The following MYH16 variants were observed in gnomAD, a reference collection of about 807,000 sequenced individuals.
MYH16 encodes the protein putative uncharacterized protein MYH16.
chr7:99,308,495 T>G (rs139994302), downstream of MYH16, among the ~76,000 whole-genome samples: 1 of 151,962 alleles, frequency 6.6e-6, no homozygotes, highest in African/African-American at 2.4e-5. Flanking sequence ...CCTTTTCCCA[T>G]GGACAGAAGC....
intron 20 of MYH16, among the ~76,000 whole-genome samples, chr7:99,276,774 A>AGT (rs1792116700): frequency 6.6e-6 from 1 of 152,196 alleles, no homozygotes. Context: ...AGATGAAAGG[A>AGT]GTGAGAGAGA....
At chr7:99,274,706 C>T (rs1429275150) in intron 20 of MYH16, among the ~76,000 whole-genome samples, 2 of 140,330 alleles carry the variant, frequency 1.4e-5, no homozygotes, top group Non-Finnish European at 3.0e-5. Context: ...CGGAGTCTCA[C>T]TCTGTCACCC....
At chr7:99,267,075 C>T (rs562332301) in intron 18 of MYH16, 5 of 152,472 alleles carry the variant, frequency 3.3e-5, no homozygotes, top group Non-Finnish European at 7.3e-5. Context: ...GACCAATGGC[C>T]TACTTCGGGC....
chr7:99,240,578 C>T (rs954458147), intron 1 of MYH16, among the ~76,000 whole-genome samples: 20 of 152,072 alleles, frequency 1.3e-4, no homozygotes, highest in African/African-American at 4.8e-4. Flanking sequence ...AGGCCAGACG[C>T]GGCAGCTCAA....
chr7:99,260,212 C>T, exon 12 of MYH16: 1 of 1,610,850 alleles, frequency 6.2e-7, no homozygotes, highest in Non-Finnish European at 8.5e-7. Context: ...CGAGAAGCTG[C>T]AGCAGTTCTT....
downstream of MYH16, among the ~76,000 whole-genome samples, chr7:99,309,844 C>T (rs1792735204): frequency 6.6e-6 from 1 of 152,130 alleles, no homozygotes; most frequent in Non-Finnish European, 1.5e-5. Flanking sequence ...CTCTCCATGT[C>T]CTGATCCATC....
chr7:99,255,021 TA>T (rs1791854336), intron 8 of MYH16, among the ~76,000 whole-genome samples: 1 of 151,888 alleles, frequency 6.6e-6, no homozygotes, highest in African/African-American at 2.4e-5. Flanking sequence ...GTAATCCCAG[TA>T]CTTTGGGAGG....
At chr7:99,253,450 A>T (rs1021346568) in intron 7 of MYH16, 3 of 152,148 alleles carry the variant, frequency 2.0e-5, no homozygotes, top group Non-Finnish European at 4.4e-5. Flanking sequence ...TAATAATAAT[A>T]ATAAAGGAAT....
At chr7:99,284,004 G>A in exon 25 of MYH16, 1 of 451,234 alleles carries the variant, frequency 2.2e-6, no homozygotes, top group Non-Finnish European at 4.4e-6. Flanking sequence ...TGGATCTCGA[G>A]GAGGTGGTGA....
At chr7:99,278,586 C>T (rs1461059014) in intron 21 of MYH16, among the ~76,000 whole-genome samples, 1 of 152,166 alleles carries the variant, frequency 6.6e-6, no homozygotes, top group African/African-American at 2.4e-5. Context: ...GTAAGACACT[C>T]GATTTTCACG....
chr7:99,289,827 C>T (rs1331120223), intron 30 of MYH16, among the ~76,000 whole-genome samples: 3 of 152,182 alleles, frequency 2.0e-5, no homozygotes, highest in East Asian at 1.9e-4. Flanking sequence ...GGAAAAGAAA[C>T]GCTAAAATAA....
intron 37 of MYH16, among the ~76,000 whole-genome samples, chr7:99,300,338 C>T (rs1792572822): frequency 6.6e-6 from 1 of 152,152 alleles, no homozygotes; most frequent in South Asian, 2.1e-4. Flanking sequence ...CAACAAAACT[C>T]ATATACCCAC....
chr7:99,296,230 A>G (rs1320916010), intron 33 of MYH16, among the ~76,000 whole-genome samples: 1 of 152,160 alleles, frequency 6.6e-6, no homozygotes, highest in Admixed American at 6.6e-5. Context: ...AACTTTATAA[A>G]AGCTAATATA....
chr7:99,277,878 C>CAT (rs1491424669), intron 21 of MYH16, among the ~76,000 whole-genome samples, 166 bp downstream of exon 3: 1 of 121,732 alleles, frequency 8.2e-6, no homozygotes, highest in Non-Finnish European at 1.6e-5. Flanking sequence ...CCATCCAATT[C>CAT]GTGTGTGTGT....
At chr7:99,301,009 AC>A (rs1452459722) in intron 37 of MYH16, among the ~76,000 whole-genome samples, 1 of 151,958 alleles carries the variant, frequency 6.6e-6, no homozygotes, top group East Asian at 1.9e-4. Context: ...AGCCTGAGCA[AC>A]CTGGCAAAAC....
At chr7:99,299,686 G>A (rs1792558436) in intron 37 of MYH16, 28 bp downstream of exon 18, 2 of 153,270 alleles carry the variant, frequency 1.3e-5, no homozygotes. Context: ...GGAGAAATGA[G>A]ATACAAGGCA....
chr7:99,240,617 G>A (rs559760810), intron 1 of MYH16, among the ~76,000 whole-genome samples: 4 of 152,242 alleles, frequency 2.6e-5, no homozygotes, highest in South Asian at 4.1e-4. Flanking sequence ...TTGGGAGGCC[G>A]ATACAGGCAG....
At chr7:99,270,504 A>G (rs1792034341) in intron 18 of MYH16, among the ~76,000 whole-genome samples, 1 of 150,996 alleles carries the variant, frequency 6.6e-6, no homozygotes, top group South Asian at 2.1e-4. Flanking sequence ...TTTTTAGTAG[A>G]TATGGGGTTT....
intron 37 of MYH16, among the ~76,000 whole-genome samples, chr7:99,300,180 C>T (rs760579373): frequency 6.5e-4 from 99 of 151,898 alleles, no homozygotes; most frequent in Middle Eastern, 3.4e-3. Flanking sequence ...GGCTGATCTC[C>T]AATGCCTGAC....
Sources: allele counts gnomAD v4.1 joint callset (sites outside exome capture counted in the v4.1 genomes callset), GRCh38; gene constraint gnomAD v4.1.1; transcripts MANE v1.5; gene names NCBI Gene and HGNC (gene_info 2026-07-23, HGNC 2026-07-21).